ABAT: variants seen among roughly 807,000 people sequenced by gnomAD.
ABAT encodes 4-aminobutyrate aminotransferase, also known as 4-aminobutyrate aminotransferase, mitochondrial.
A neutral mutation model predicts 64.6 loss-of-function variants in ABAT; 45 were observed. That is an observed-to-expected ratio of 0.70 (90% CI 0.55 to 0.89). The LOEUF is 0.89. Ranked by LOEUF, ABAT falls within the 40% of genes least tolerant of loss-of-function variation. The pLI is 0.00. For missense variants in ABAT, 633 were observed against 658.4 expected (o/e 0.96, Z 0.42); for synonymous variants, 297 against 250.5 (o/e 1.19, Z -1.75).
chr16:8,730,613 G>A (rs2058689755), intron 1 of ABAT, among the ~76,000 whole-genome samples: 1 of 152,160 alleles, frequency 6.6e-6, no homozygotes. Context: ...TGTCATCACA[G>A]AAGCAGGGGG....
chr16:8,711,437 A>G (rs1376540170), intron 1 of ABAT, among the ~76,000 whole-genome samples: 1 of 152,200 alleles, frequency 6.6e-6, no homozygotes, highest in East Asian at 1.9e-4. Context: ...GGAAGATAAC[A>G]GGAAGGAGGA....
At chr16:8,724,082 C>G (rs578017246) in intron 1 of ABAT, among the ~76,000 whole-genome samples, 23 of 151,894 alleles carry the variant, frequency 1.5e-4, no homozygotes, top group African/African-American at 5.3e-4. Flanking sequence ...CTCAGGTGAT[C>G]CATCCACCTC....
chr16:8,732,571 A>C (rs1271828892), intron 1 of ABAT, among the ~76,000 whole-genome samples: 1 of 151,670 alleles, frequency 6.6e-6, no homozygotes, highest in Non-Finnish European at 1.5e-5. Flanking sequence ...CCCAAGGCAG[A>C]AGAAGTTTTC....
chr16:8,682,720 T>A (rs1404410293), intron 1 of ABAT, among the ~76,000 whole-genome samples: 1 of 152,160 alleles, frequency 6.6e-6, no homozygotes, highest in African/African-American at 2.4e-5. Flanking sequence ...CAGCACTCTG[T>A]CCCTGGGCTG....
At chr16:8,772,636 A>G (rs2060146497) in intron 11 of ABAT, 144 bp from the exon 12 acceptor site, 10 of 1,162,244 alleles carry the variant, frequency 8.6e-6, no homozygotes, top group African/African-American at 1.5e-5. Context: ...ATAGCTTCTA[A>G]CAGAGGCTTC....
At chr16:8,768,147 C>G (rs373385788) in intron 9 of ABAT, 46 bp from the exon 10 acceptor site, 2 of 1,581,554 alleles carry the variant, frequency 1.3e-6, no homozygotes, top group Non-Finnish European at 1.7e-6. Flanking sequence ...ATACAGTTCC[C>G]CCATCCTTAC....
At chr16:8,722,919 T>TAA in intron 1 of ABAT, 1 of 1,248,346 alleles carries the variant, frequency 8.0e-7, no homozygotes, top group Non-Finnish European at 1.1e-6. Context: ...GTCAGGTGTT[T>TAA]CTTAGAGTCC....
At chr16:8,745,862 A>G (rs2059312873) in intron 2 of ABAT, 139 bp from the exon 3 acceptor site, 1 of 781,890 alleles carries the variant, frequency 1.3e-6, no homozygotes, top group African/African-American at 1.7e-5. Flanking sequence ...GTCCAGACAC[A>G]GTGTTCTGGG....
chr16:8,678,392 A>G (rs927790561), intron 1 of ABAT, among the ~76,000 whole-genome samples: 8 of 152,178 alleles, frequency 5.3e-5, no homozygotes, highest in African/African-American at 1.9e-4. Flanking sequence ...CACCCAACCT[A>G]CACAGGACCT....
At chr16:8,711,782 GGGAA>G (rs149752738) in intron 1 of ABAT, among the ~76,000 whole-genome samples, 28 of 132,818 alleles carry the variant, frequency 2.1e-4, no homozygotes, top group South Asian at 7.4e-4. Flanking sequence ...ATGGATGGAT[GGGAA>G]GATGGATGGA....
chr16:8,703,326 T>G (rs1304575324), intron 1 of ABAT, among the ~76,000 whole-genome samples: 2 of 151,652 alleles, frequency 1.3e-5, no homozygotes, highest in Non-Finnish European at 1.5e-5. Context: ...CGTGGTGGTG[T>G]GCGCCTGTAG....
intron 2 of ABAT, chr16:8,736,239 G>GAT (rs1555488440): frequency 1.7e-5 from 1 of 60,254 alleles, no homozygotes. Context: ...TCCCTCCCAT[G>GAT]ACGTGGGAAT....
At chr16:8,768,098 G>T (rs563750981) in intron 9 of ABAT, 95 bp from the exon 10 acceptor site, 1 of 1,340,280 alleles carries the variant, frequency 7.5e-7, no homozygotes, top group Admixed American at 1.7e-5. Context: ...TGGTTCTTCT[G>T]ATAGATTTCT....
intron 1 of ABAT, among the ~76,000 whole-genome samples, chr16:8,686,554 C>G (rs2057460705): frequency 6.6e-6 from 1 of 152,258 alleles, no homozygotes; most frequent in South Asian, 2.1e-4. Flanking sequence ...CTCACCTTGT[C>G]GCTCACAACA....
chr16:8,675,541 A>G (rs576338443), intron 1 of ABAT, among the ~76,000 whole-genome samples: 1 of 150,006 alleles, frequency 6.7e-6, no homozygotes, highest in Admixed American at 6.6e-5. Flanking sequence ...CCTCACCCCA[A>G]CTCCACTCCC....
chr16:8,749,257 T>A (rs1596453405), intron 4 of ABAT, among the ~76,000 whole-genome samples: 1 of 151,496 alleles, frequency 6.6e-6, no homozygotes, highest in African/African-American at 2.4e-5. Context: ...CCAGCTAATT[T>A]TTTTGTATTT....
Position 8,781,371 on chromosome 16 carries a change from G to C in ABAT, c.1444G>C (p.Asp482His). The C allele has an allele frequency of 1.2e-6, 2 of 1,614,192 alleles. No homozygotes were observed. Among genetic ancestry groups the C allele is most frequent in the Non-Finnish European group, 1.7e-6 (2 of 1,180,044 alleles). ...IRFRPTLVFR[D>H]HHAHLFLNIF... ...TTTCCGTCCCACGCTGGTCTTCAGG[G>C]ATCACCACGCTCACCTGTTCCTCAA... Residue 482 changes from aspartate to histidine, a missense_variant, in exon 16 of 16, where the codon GAT (aspartate) becomes CAT (histidine). Physicochemically the swap from Asp to His is moderately conservative, Grantham distance 81. Coordinates refer to ENST00000268251, the MANE Select transcript of ABAT (RefSeq NM_020686.6). The surrounding 1 kb of genome is among the most constrained non-coding windows in gnomAD (Gnocchi z 4.5).
At chr16:8,703,107 C>T (rs2057862351) in intron 1 of ABAT, among the ~76,000 whole-genome samples, 1 of 151,930 alleles carries the variant, frequency 6.6e-6, no homozygotes, top group Admixed American at 6.6e-5. Flanking sequence ...TGAAAGGATA[C>T]TGGCTTTCTA....
At chr16:8,693,334 C>G (rs990613182) in intron 1 of ABAT, among the ~76,000 whole-genome samples, 3 of 152,100 alleles carry the variant, frequency 2.0e-5, no homozygotes, top group African/African-American at 2.4e-5. Flanking sequence ...CACAGTTTGT[C>G]TTTGAGTTTT....
Sources: gnomAD v4.1 joint callset for allele counts (sites outside exome capture counted in the v4.1 genomes callset) on GRCh38, gnomAD v4.1.1 for gene constraint, Gnocchi (gnomAD v3.1) non-coding constraint, MANE v1.5 for transcripts, NCBI Gene and HGNC (gene_info 2026-07-23, HGNC 2026-07-21) for gene names.